PDE5A: variants seen among roughly 807,000 people sequenced by gnomAD.
The protein encoded by PDE5A is cGMP-specific 3',5'-cyclic phosphodiesterase.
A neutral mutation model predicts 110.2 loss-of-function variants in PDE5A; 67 were observed. That is an observed-to-expected ratio of 0.61 (90% CI 0.50 to 0.75). The LOEUF is 0.75. PDE5A is among the 30% of genes least tolerant of loss of function. The probability of loss-of-function intolerance (pLI) is 0.00; values close to 1 mark genes in which losing one functional copy is unlikely to be tolerated. For synonymous variants in PDE5A, 328 were observed against 351.2 expected (o/e 0.93, Z 0.74); for missense variants, 862 against 1,045.1 (o/e 0.82, Z 2.42).
At chr4:119,616,542 A>G (rs549994865) in intron 1 of PDE5A, among the ~76,000 whole-genome samples, 100 of 152,300 alleles carry the variant, frequency 6.6e-4, no homozygotes, top group Middle Eastern at 6.8e-3. Flanking sequence ...CATAATGTTT[A>G]ACACATTTTG....
chr4:119,529,834 A>G (rs1205624478), intron 11 of PDE5A, among the ~76,000 whole-genome samples: 3 of 152,138 alleles, frequency 2.0e-5, no homozygotes, highest in Non-Finnish European at 4.4e-5. Flanking sequence ...AAAAGTTTGA[A>G]TATTTGACCT....
At chr4:119,620,258 C>T (rs569692456) in intron 1 of PDE5A, among the ~76,000 whole-genome samples, 8 of 152,088 alleles carry the variant, frequency 5.3e-5, no homozygotes, top group Non-Finnish European at 1.0e-4. Flanking sequence ...GTGAGTAGTT[C>T]GCTTGGGTCT....
chr4:119,501,806 A>AAGAC (rs1265548722), intron 19 of PDE5A, among the ~76,000 whole-genome samples: 4 of 152,202 alleles, frequency 2.6e-5, no homozygotes, highest in Non-Finnish European at 4.4e-5. Context: ...GTATGTATCA[A>AAGAC]AGACCTTTAA....
intron 4 of PDE5A, among the ~76,000 whole-genome samples, chr4:119,566,416 C>T (rs1320418225): frequency 6.6e-6 from 1 of 152,036 alleles, no homozygotes; most frequent in African/African-American, 2.4e-5. Context: ...ATTACTTATT[C>T]AATAGGAAAA....
At chr4:119,518,689 G>A (rs1232539699) in intron 14 of PDE5A, among the ~76,000 whole-genome samples, 4 of 152,152 alleles carry the variant, frequency 2.6e-5, no homozygotes, top group Non-Finnish European at 4.4e-5. Context: ...ATGTAGGGCC[G>A]AGCTAAGCAC....
At chr4:119,591,903 G>C (rs1388593624) in intron 3 of PDE5A, among the ~76,000 whole-genome samples, 4 of 152,030 alleles carry the variant, frequency 2.6e-5, no homozygotes, top group Non-Finnish European at 5.9e-5. Context: ...TGTAATCCCA[G>C]CACTTTGGGA....
At chr4:119,604,363 T>C (rs1016911551) in intron 2 of PDE5A, among the ~76,000 whole-genome samples, 2 of 152,130 alleles carry the variant, frequency 1.3e-5, no homozygotes, top group Non-Finnish European at 2.9e-5. Context: ...TGAAGACAAA[T>C]AAAGACTTTC....
intron 2 of PDE5A, 119 bp downstream of exon 2, chr4:119,606,590 A>T (rs1729537119): frequency 1.5e-6 from 1 of 675,998 alleles, no homozygotes; most frequent in East Asian, 2.5e-5. Context: ...AAATTATTAC[A>T]TCTCAGTTTC....
chr4:119,605,451 A>G (rs1233354682), intron 2 of PDE5A, among the ~76,000 whole-genome samples: 2 of 152,122 alleles, frequency 1.3e-5, no homozygotes, highest in South Asian at 2.1e-4. Context: ...GTTCAAGACC[A>G]GCCTGGCCAA....
At chr4:119,558,916 CAAAAAAAAAA>C (rs11392885) in intron 7 of PDE5A, among the ~76,000 whole-genome samples, 1 of 104,700 alleles carries the variant, frequency 9.6e-6, no homozygotes, top group African/African-American at 3.9e-5. Flanking sequence ...GACTCCGTCT[CAAAAAAAAAA>C]AAAAAAAAAG....
rs571516154 is a variant in PDE5A at position 119,587,470 on chromosome 4, G to A, written c.831+9053C>T. On this transcript the variant is annotated intron_variant, in intron 3 of 20. Coordinates refer to ENST00000354960, the MANE Select transcript of PDE5A (RefSeq NM_001083.4). ...ACAATCTCGGCTCACTGCAAGCTCC[G>A]CTTCCCGGGTTCACGCCATTCTCCT... is the stretch of plus-strand genomic sequence containing the variant. Among the ~76,000 whole-genome samples, 28 of 151,248 alleles carry A rather than the reference G, an allele frequency of 1.9e-4. No homozygotes were observed. The South Asian group carries it at 5.0e-3, about 27-fold the overall frequency.
rs1453600818 is a variant in PDE5A at position 119,617,678 on chromosome 4, G to A, written c.153-10381C>T. Among the ~76,000 whole-genome samples the A allele has an allele frequency of 1.3e-5, 2 of 152,084 alleles. 1 individual carries two copies. Among genetic ancestry groups the A allele is most frequent in the South Asian group, 4.1e-4 (2 of 4,828 alleles). The stretch of plus-strand genomic sequence containing the variant: ...CCTCACGAGTTAAAAGTATAACTAG[G>A]TGAAACCTACTCGTAGAGCAACTAG... On this transcript the variant is annotated intron_variant, in intron 1 of 20. Transcript: ENST00000354960.
chr4:119,578,856 A>AG (rs2110519327), intron 3 of PDE5A, among the ~76,000 whole-genome samples: 1 of 152,324 alleles, frequency 6.6e-6, no homozygotes, highest in South Asian at 2.1e-4. Context: ...ATTAAACTAA[A>AG]GAGCTTCTGC....
intron 15 of PDE5A, among the ~76,000 whole-genome samples, chr4:119,508,921 C>A (rs994407262): frequency 2.0e-5 from 3 of 151,888 alleles, no homozygotes; most frequent in Non-Finnish European, 4.4e-5. Flanking sequence ...TAAGTAACAA[C>A]ATATTACATA....
intron 10 of PDE5A, among the ~76,000 whole-genome samples, chr4:119,542,254 T>C (rs1010740): frequency 0.26 from 39,972 of 152,050 alleles, 5,389 homozygotes; most frequent in East Asian, 0.38. Flanking sequence ...TTTGGTTATA[T>C]GACATTTGAC....
chr4:119,504,742 A>G, intron 17 of PDE5A, 143 bp from the exon 18 acceptor site: 1 of 535,190 alleles, frequency 1.9e-6, no homozygotes, highest in Non-Finnish European at 3.3e-6. Context: ...AAAAGAAACA[A>G]TTTATATGAA....
chr4:119,528,904 GT>G (rs935809716), intron 11 of PDE5A: 6 of 152,056 alleles, frequency 3.9e-5, no homozygotes, highest in Admixed American at 2.0e-4. Flanking sequence ...TTAAGATTAT[GT>G]TGTATTTTTC....
chr4:119,588,032 C>G (rs923340725), intron 3 of PDE5A, among the ~76,000 whole-genome samples: 1 of 152,206 alleles, frequency 6.6e-6, no homozygotes, highest in African/African-American at 2.4e-5. Flanking sequence ...CATCTCTCCC[C>G]AGGGATTTCT....
rs547975194 is a variant in PDE5A, at chr4:119,539,995, C to CA, written c.1573-977dup. ...AAAATCTGAAAAAAAATGCAAAATA[C>CA]AAAACACTTCTGGTCTCAAGCATTT... On this transcript the variant is annotated intron_variant, in intron 10 of 20. Coordinates refer to ENST00000354960, the MANE Select transcript of PDE5A (RefSeq NM_001083.4). Among the ~76,000 whole-genome samples the CA allele has an allele frequency of 1.9e-4, 29 of 152,048 alleles. No homozygotes were observed. In the South Asian group the frequency reaches 5.8e-3, roughly 30 times the overall value.
Sources: allele counts gnomAD v4.1 joint callset (sites outside exome capture counted in the v4.1 genomes callset), GRCh38; gene constraint gnomAD v4.1.1; transcripts MANE v1.5; gene names NCBI Gene and HGNC (gene_info 2026-07-23, HGNC 2026-07-21).